VRTN: variants seen among roughly 807,000 people sequenced by gnomAD.
VRTN encodes the protein vertebrae development associated, also known as vertnin.
VRTN carries 5 observed loss-of-function variants against 18.2 expected under a neutral mutation model. The ratio of observed to expected loss-of-function variants is 0.27; its 90% confidence interval spans 0.14 to 0.58. The LOEUF (loss-of-function observed/expected upper bound fraction) is 0.58. Among genes scored for constraint, VRTN ranks in the 20% least tolerant of loss-of-function variants. The probability of loss-of-function intolerance (pLI) is 0.91; values close to 1 mark genes in which losing one functional copy is unlikely to be tolerated. For missense variants in VRTN, 741 were observed against 939.4 expected (o/e 0.79, Z 2.76); for synonymous variants, 381 against 393.7 (o/e 0.97, Z 0.38).
chr14:74,359,043 G>A lies in VRTN; in HGVS notation c.*151G>A. On this transcript the variant is annotated 3_prime_UTR_variant, in exon 2 of 2. Transcript: ENST00000256362. ...AAGGGTATATTTGTGTTATTTTCTG[G>A]CTCCAGGACAGAGAATGCCAGAAAT... is the stretch of plus-strand genomic sequence containing the variant. 1 of 1,358,938 alleles carries A rather than the reference G, an allele frequency of 7.4e-7. No individual in the cohort carries two copies. Among genetic ancestry groups the A allele is most frequent in the Non-Finnish European group, 9.6e-7 (1 of 1,044,548 alleles). The allele number at this position is 1,358,938 out of a possible 1,614,324, so 84.2% of individuals were successfully genotyped here.
intron 1 of VRTN, among the ~76,000 whole-genome samples, chr14:74,336,599 T>C (rs1343248284): frequency 6.6e-6 from 1 of 152,206 alleles, no homozygotes; most frequent in East Asian, 1.9e-4. Flanking sequence ...TTAATTTGGC[T>C]ATCTTTCTGG....
intron 1 of VRTN, among the ~76,000 whole-genome samples, chr14:74,355,946 C>T (rs1595176623): frequency 6.6e-6 from 1 of 151,966 alleles, no homozygotes; most frequent in Non-Finnish European, 1.5e-5. Context: ...ATCCTCCTGC[C>T]TCAGCCTCCC....
chr14:74,354,239 A>C (rs1252452034), intron 1 of VRTN, among the ~76,000 whole-genome samples: 1 of 152,172 alleles, frequency 6.6e-6, no homozygotes, highest in Non-Finnish European at 1.5e-5. Flanking sequence ...ATCTAACTTC[A>C]TCAGATATAT....
intron 1 of VRTN, among the ~76,000 whole-genome samples, chr14:74,315,892 G>A (rs2085416637): frequency 6.6e-6 from 1 of 152,146 alleles, no homozygotes; most frequent in Non-Finnish European, 1.5e-5. Context: ...GCACCAGAGT[G>A]GACATGGCCC....
chr14:74,306,848 C>G (rs970418983), intron 1 of VRTN, among the ~76,000 whole-genome samples: 4 of 151,858 alleles, frequency 2.6e-5, no homozygotes, highest in Admixed American at 6.6e-5. Context: ...TCAAGCGATG[C>G]TTCTGCCTCA....
At chr14:74,320,972 T>A (rs1275203483) in intron 1 of VRTN, among the ~76,000 whole-genome samples, 1 of 150,386 alleles carries the variant, frequency 6.6e-6, no homozygotes, top group Non-Finnish European at 1.5e-5. Context: ...CAAATGTTCC[T>A]GAAAGGCTGT....
At position 74,357,128 on chromosome 14, in the gene VRTN, C is replaced by T; in HGVS notation, c.345C>T (p.His115=). ...RARTVVEMLL[H]RHYYLQGMID... ...GCACCGTGGTAGAGATGCTGCTGCA[C>T]AGACACTACTACCTCCAGGGCATGA... Residue 115 remains histidine (H), a synonymous_variant, in exon 2 of 2, where the codon CAC becomes CAT. Coordinates refer to ENST00000256362, the MANE Select transcript of VRTN (RefSeq NM_018228.3). This position sits in a 1 kb window ranked among gnomAD's most constrained non-coding sequence, Gnocchi z 7.8. 1 of 1,599,486 alleles carries T rather than the reference C, an allele frequency of 6.3e-7. No homozygotes were observed. The highest frequency in any genetic ancestry group is 8.5e-7 in the Non-Finnish European group (1 of 1,174,736).
At chr14:74,339,873 G>T (rs573858246) in intron 2 of VRTN, among the ~76,000 whole-genome samples, 41 of 152,204 alleles carry the variant, frequency 2.7e-4, no homozygotes, top group Middle Eastern at 3.4e-3. Context: ...AGCAGTAATT[G>T]GATTTAAGGC....
At chr14:74,310,274 G>A (rs2085378925) in intron 1 of VRTN, among the ~76,000 whole-genome samples, 1 of 151,698 alleles carries the variant, frequency 6.6e-6, no homozygotes, top group South Asian at 2.1e-4. Flanking sequence ...GCACATTCCT[G>A]TAGTCCCAGC....
In VRTN at chr14:74,334,327, G is replaced by A. The variant is rs189224521; in HGVS notation, c.-163-3396G>A. Among the ~76,000 whole-genome samples the A allele has an allele frequency of 5.3e-5, 8 of 152,120 alleles. No individual in the cohort carries two copies. The East Asian group carries it at 1.2e-3, about 22-fold the overall frequency. ...GCGGATTGCTTGAGCTCATGAGTTC[G>A]AGACCAGCCTGGGCAACATGGTGAA... is the stretch of plus-strand genomic sequence containing the variant. On this transcript the variant is annotated intron_variant, in intron 1 of 2. Coordinates refer to the VRTN transcript ENST00000557177.
At chr14:74,334,343 A>G (rs1264638731) in intron 1 of VRTN, among the ~76,000 whole-genome samples, 1 of 152,142 alleles carries the variant, frequency 6.6e-6, no homozygotes, top group Admixed American at 6.5e-5. Flanking sequence ...AGCCTGGGCA[A>G]CATGGTGAAA....
intron 1 of VRTN, among the ~76,000 whole-genome samples, chr14:74,314,780 G>A (rs2085409543): frequency 6.6e-6 from 1 of 152,158 alleles, no homozygotes; most frequent in African/African-American, 2.4e-5. Context: ...GAAAGGGAAT[G>A]ATCTAATAGT....
At chr14:74,340,216 G>A (rs541233272) in intron 2 of VRTN, among the ~76,000 whole-genome samples, 10 of 151,416 alleles carry the variant, frequency 6.6e-5, no homozygotes, top group Admixed American at 3.3e-4. Context: ...AGGTTCAAGC[G>A]ATTCTCCTAC....
intron 1 of VRTN, among the ~76,000 whole-genome samples, chr14:74,319,875 G>T (rs950440244): frequency 6.6e-6 from 1 of 152,304 alleles, no homozygotes; most frequent in Non-Finnish European, 1.5e-5. Flanking sequence ...CAGCAAAGGA[G>T]ATGGAGAAGG....
At chr14:74,338,240 C>A (rs1488924969) in intron 2 of VRTN, among the ~76,000 whole-genome samples, 7 of 152,214 alleles carry the variant, frequency 4.6e-5, no homozygotes, top group Non-Finnish European at 8.8e-5. Flanking sequence ...CACACTTACC[C>A]CTAAGTGAAA....
intron 1 of VRTN, among the ~76,000 whole-genome samples, chr14:74,322,663 C>A (rs887958761): frequency 6.6e-6 from 1 of 152,280 alleles, no homozygotes; most frequent in East Asian, 1.9e-4. Flanking sequence ...TCCAACCCAA[C>A]ACCCCCTGTA....
intron 1 of VRTN, among the ~76,000 whole-genome samples, chr14:74,320,882 C>T (rs1040431959): frequency 2.8e-5 from 4 of 141,432 alleles, no homozygotes; most frequent in African/African-American, 1.1e-4. Flanking sequence ...CATTGCCTGG[C>T]CAGATCCCAT....
chr14:74,313,434 C>A lies in VRTN; in HGVS notation c.-164+10258C>A, dbSNP rs79826029. On this transcript the variant is annotated intron_variant, in intron 1 of 2. Coordinates refer to the VRTN transcript ENST00000557177. ...AAAAAAATGAAAGTTTGTTAAAATA[C>A]TCAAGAATAGCTGCTTAATCTAAAA... Among the ~76,000 whole-genome samples the A allele has an allele frequency of 3.8e-3, 580 of 152,270 alleles. 7 individuals carry two copies. The highest frequency in any genetic ancestry group is 0.013 in the African/African-American group (552 of 41,566).
chr14:74,322,716 C>T (rs1403251863), intron 1 of VRTN, among the ~76,000 whole-genome samples: 3 of 152,202 alleles, frequency 2.0e-5, no homozygotes, highest in African/African-American at 7.2e-5. Context: ...TGCAGTGGAA[C>T]AGAAGCTCCT....
Sources: allele counts gnomAD v4.1 joint callset (sites outside exome capture counted in the v4.1 genomes callset), GRCh38; gene constraint gnomAD v4.1.1; non-coding constraint Gnocchi (gnomAD v3.1); transcripts MANE v1.5; gene names NCBI Gene and HGNC (gene_info 2026-07-23, HGNC 2026-07-21).